FASN: variants seen among roughly 807,000 people sequenced by gnomAD.
The protein encoded by FASN is fatty acid synthase, also known as 3-hydroxyacyl-[acyl-carrier-protein] dehydratase.
A neutral mutation model predicts 250.0 loss-of-function variants in FASN; 50 were observed. The ratio of observed to expected loss-of-function variants is 0.20; its 90% confidence interval spans 0.16 to 0.25. The LOEUF (loss-of-function observed/expected upper bound fraction) is 0.25. FASN is among the 10% of genes least tolerant of loss of function. The pLI, the probability that FASN is intolerant of heterozygous loss-of-function variation, is 1.00. For synonymous variants in FASN, 1,909 were observed against 1,584.0 expected (o/e 1.21, Z -4.87); for missense variants, 3,031 against 3,498.5 (o/e 0.87, Z 3.37).
chr17:82,084,489 C>T (rs1163855087), intron 27 of FASN, 24 bp downstream of exon 27: 1 of 1,596,882 alleles, frequency 6.3e-7, no homozygotes, highest in African/African-American at 1.3e-5. Context: ...CCAGTCCACT[C>T]CCACGGCCCC....
At position 82,079,526 on chromosome 17, in the gene FASN, C is replaced by G; in HGVS notation, c.7229G>C (p.Gly2410Ala). 6.2e-7 allele frequency: 1 copy of G among 1,611,206 alleles called. No individual in the cohort carries two copies. The highest frequency in any genetic ancestry group is 8.5e-7 in the Non-Finnish European group (1 of 1,179,972). Residue 2410 changes from glycine to alanine, a missense_variant, in exon 42 of 43, where the codon GGC becomes GCC. Transcript: ENST00000306749. ...AAAGCTCAGCTCCTGGCGGTCCAGG[C>G]CCTGGTGGCTCTTGATGATCAGGTC... ...AVDLIIKSHQ[G>A]LDRQELSFAA...
intron 10 of FASN, 101 bp downstream of exon 10, chr17:82,090,781 G>T (rs529459276): frequency 2.2e-6 from 3 of 1,338,216 alleles, no homozygotes; most frequent in Non-Finnish European, 3.1e-6. Flanking sequence ...TAGCAAAGGG[G>T]CTGTCAGGGG....
At position 82,083,327 on chromosome 17, in the gene FASN, C is replaced by A; in HGVS notation, c.5440G>T (p.Val1814Leu). ...SADWREVWAL[V>L]QAGIRDGVVR... is the part of the protein sequence containing the mutation. ...ACCCCATCCCGGATGCCGGCCTGCA[C>A]AAGCGCCCACACCTCCCGCCAGTCA... Residue 1814 changes from valine to leucine, a missense_variant, in exon 32 of 43, where the codon GTG becomes TTG. Coordinates refer to ENST00000306749, the MANE Select transcript of FASN (RefSeq NM_004104.5). 6.2e-7 allele frequency: 1 copy of A among 1,612,748 alleles called. No homozygotes were observed.
intron 3 of FASN, 125 bp from the exon 4 acceptor site, chr17:82,093,896 T>C: frequency 1.0e-6 from 1 of 983,734 alleles, no homozygotes; most frequent in Non-Finnish European, 1.5e-6. Flanking sequence ...GGGGGGTCCA[T>C]CCCAGTGGGA....
At chr17:82,093,820 C>T (rs369743683) in intron 3 of FASN, 49 bp from the exon 4 acceptor site, 2 of 1,564,424 alleles carry the variant, frequency 1.3e-6, no homozygotes, top group South Asian at 1.2e-5. Context: ...CACAGCGCAG[C>T]CAGCCCACCC....
At position 82,093,030 on chromosome 17, in the gene FASN, C is replaced by T; in HGVS notation, c.656-11G>A. Reference sequence around the variant, plus strand: ...GGCAGTACCCATTCCCTGGGTAGAGCAGCACCTCAGGCCCGGGGCTCAGCC... The same window carrying T: ...GGCAGTACCCATTCCCTGGGTAGAGTAGCACCTCAGGCCCGGGGCTCAGCC... On this transcript the variant is annotated splice_polypyrimidine_tract_variant and intron_variant, in intron 5 of 42. Transcript: ENST00000306749. The T allele has an allele frequency of 6.2e-7, 1 of 1,611,492 alleles. No individual in the cohort carries two copies. Among genetic ancestry groups the T allele is most frequent in the South Asian group, 1.1e-5 (1 of 90,980 alleles).
At chr17:82,086,595 GC>G in intron 21 of FASN, 37 bp from the exon 22 acceptor site, 1 of 1,523,354 alleles carries the variant, frequency 6.6e-7, no homozygotes, top group Non-Finnish European at 9.0e-7. Context: ...TGTTCCCAAA[GC>G]CCCAGGGCAT....
Position 82,091,583 on chromosome 17 carries a change from C to G in FASN, c.1131G>C (p.Val377=). ...CGCCACGGACGGGCAGGGGCTGGTC[C>G]ACCACCTGCAGCCGCCCATCCAACA... ...PALLDGRLQV[V]DQPLPVRGGN... is the part of the protein sequence containing the mutation. Residue 377 remains valine (V), a synonymous_variant, in exon 9 of 43, where the codon GTG becomes GTC. Transcript: ENST00000306749. 6.3e-7 allele frequency: 1 copy of G among 1,588,032 alleles called. No individual in the cohort carries two copies. The highest frequency in any genetic ancestry group is 1.1e-5 in the South Asian group (1 of 87,412).
At chr17:82,082,851 G>T in intron 33 of FASN, 63 bp downstream of exon 33, 1 of 1,590,410 alleles carries the variant, frequency 6.3e-7, no homozygotes, top group Non-Finnish European at 8.6e-7. Flanking sequence ...CTGCAGAGAA[G>T]GGCTCAGGGG....
Position 82,091,546 on chromosome 17 carries a change from T to A in FASN, c.1168A>T (p.Ile390Phe). Residue 390 changes from isoleucine (I) to phenylalanine (F), a missense_variant, in exon 9 of 43, where the codon ATC becomes TTC. Ile to Phe is a conservative substitution (Grantham distance 21, BLOSUM62 0). Transcript: ENST00000306749. The stretch of plus-strand genomic sequence containing the variant: ...GAGCCCCCGAAGCCAAAGGAGTTGA[T>A]GCCCACGTTGCCGCCACGGACGGGC... ...PLPVRGGNVG[I>F]NSFGFGGSNV... is the part of the protein sequence containing the mutation. 6.3e-7 allele frequency: 1 copy of A among 1,597,676 alleles called. No homozygotes were observed. Among genetic ancestry groups the A allele is most frequent in the Non-Finnish European group, 8.5e-7 (1 of 1,173,444 alleles).
rs751971204 is a variant in FASN, at chr17:82,085,776, G to T, written c.3828C>A (p.His1276Gln). ...CCTGGGCAGCCTCCAGGGCCTGGGG[G>T]TGGCGGTCGGTGGCCGTGTAGCTCA... is the stretch of plus-strand genomic sequence containing the variant. ...LQLSYTATDRHPQALEAAQAE... is the reference protein window; with the variant it reads ...LQLSYTATDRQPQALEAAQAE... Residue 1276 changes from histidine to glutamine, a missense_variant, in exon 23 of 43, where the codon CAC (histidine) becomes CAA (glutamine). Coordinates refer to ENST00000306749, the MANE Select transcript of FASN (RefSeq NM_004104.5). The T allele has an allele frequency of 1.3e-6, 2 of 1,561,690 alleles. No homozygotes were observed. Among genetic ancestry groups the T allele is most frequent in the Non-Finnish European group, 1.7e-6 (2 of 1,153,798 alleles).
Position 82,092,600 on chromosome 17 carries a change from CATGGGGG to C in FASN, c.895-18_895-12del. The C allele has an allele frequency of 1.3e-6, 2 of 1,555,788 alleles. No individual in the cohort carries two copies. The highest frequency in any genetic ancestry group is 1.7e-6 in the Non-Finnish European group (2 of 1,150,428). On this transcript the variant is annotated splice_polypyrimidine_tract_variant and intron_variant, in intron 7 of 42. Transcript: ENST00000306749. Reference sequence around the variant, plus strand: ...CTGGGGGTCGCCCACCTGTGGGAAACATGGGGGGTGAGGGGCTCTGGCCAGGTCACCT... The same window carrying C: ...CTGGGGGTCGCCCACCTGTGGGAAACGTGAGGGGCTCTGGCCAGGTCACCT...
At chr17:82,096,215 G>C (rs1268130194) in intron 2 of FASN, 104 bp downstream of exon 2, 19 of 1,570,220 alleles carry the variant, frequency 1.2e-5, no homozygotes, top group South Asian at 2.2e-5. Flanking sequence ...CCTCAGGCCA[G>C]TGCCTGGGTG....
intron 10 of FASN, 55 bp from the exon 11 acceptor site, chr17:82,090,619 G>C: frequency 6.6e-7 from 1 of 1,525,620 alleles, no homozygotes; most frequent in Non-Finnish European, 9.0e-7. Context: ...CAGCTGTTGG[G>C]GGCGGCCCCC....
chr17:82,087,982 C>T lies in FASN; in HGVS notation c.2838G>A (p.Val946=). 1 of 1,612,764 alleles carries T rather than the reference C, an allele frequency of 6.2e-7. No individual in the cohort carries two copies. Among genetic ancestry groups the T allele is most frequent in the Non-Finnish European group, 8.5e-7 (1 of 1,179,966 alleles). ...TCACTACCAGGTTGCCGTTCTCTGACACCTCGAAGGCACGGGAGGCCTCCA... is the reference window on the plus strand; with the variant it reads ...TCACTACCAGGTTGCCGTTCTCTGATACCTCGAAGGCACGGGAGGCCTCCA... The part of the protein sequence containing the change: ...RLLEASRAFE[V]SENGNLVVSG... The change falls in exon 18 of 43, where the codon GTG becomes GTA. Residue 946 remains valine (V), a synonymous_variant. Coordinates refer to ENST00000306749, the MANE Select transcript of FASN (RefSeq NM_004104.5).
Position 82,098,196 on chromosome 17 carries a change from G to A in FASN, c.-83C>T, listed in dbSNP as rs555553674. Reference sequence around the variant, plus strand: ...GCGGCGGAGCGGGAGGCTGAAGCGCGGCGGAGAGGGAGGCCGGGGCCGCTG... The same window carrying A: ...GCGGCGGAGCGGGAGGCTGAAGCGCAGCGGAGAGGGAGGCCGGGGCCGCTG... On this transcript the variant is annotated 5_prime_UTR_variant, in exon 1 of 43. Coordinates refer to ENST00000306749, the MANE Select transcript of FASN (RefSeq NM_004104.5). The A allele has an allele frequency of 3.4e-3, 1,249 of 365,936 alleles. 10 individuals carry two copies. The highest frequency in any genetic ancestry group is 0.025 in the African/African-American group (1,185 of 47,194). The allele number at this position is 365,936 out of a possible 1,614,324, so 22.7% of individuals were successfully genotyped here.
Position 82,089,372 on chromosome 17 carries a change from C to T in FASN, c.1978G>A (p.Glu660Lys). 1 of 1,612,840 alleles carries T rather than the reference C, an allele frequency of 6.2e-7. No homozygotes were observed. Among genetic ancestry groups the T allele is most frequent in the Non-Finnish European group, 8.5e-7 (1 of 1,179,998 alleles). The change falls in exon 13 of 43, where the codon GAG becomes AAG. Residue 660 changes from glutamate to lysine, a missense_variant. Physicochemically the swap from Glu to Lys is moderately conservative, Grantham distance 56. Transcript: ENST00000306749. ...TISGPQAPVF[E>K]FVEQLRKEGV... Reference sequence around the variant, plus strand: ...TCCTTCCTCAGCTGCTCCACGAACTCAAACACCGGGGCCTGGACATCGTGG... The same window carrying T: ...TCCTTCCTCAGCTGCTCCACGAACTTAAACACCGGGGCCTGGACATCGTGG...
intron 1 of FASN, chr17:82,097,179 TGGCCAGG>T: frequency 6.4e-6 from 1 of 155,256 alleles, no homozygotes; most frequent in Non-Finnish European, 1.4e-5. Context: ...GAACCACTCC[TGGCCAGG>T]ACACGCAGGT....
At position 82,078,735 on chromosome 17, in the gene FASN, G is replaced by T; in HGVS notation, c.*408C>A. ...CCCGCAGGGGACATCGGGGAAATGGGGGCAGAGTGCGGGACCCACACGCTG... is the reference window on the plus strand; with the variant it reads ...CCCGCAGGGGACATCGGGGAAATGGTGGCAGAGTGCGGGACCCACACGCTG... On this transcript the variant is annotated 3_prime_UTR_variant, in exon 43 of 43. Coordinates refer to ENST00000306749, the MANE Select transcript of FASN (RefSeq NM_004104.5). The surrounding 1 kb of genome is among the most constrained non-coding windows in gnomAD (Gnocchi z 5.4). The T allele has an allele frequency of 7.2e-6, 2 of 278,582 alleles. No homozygotes were observed. Among genetic ancestry groups the T allele is most frequent in the Non-Finnish European group, 7.0e-6 (1 of 142,236 alleles). 17.3% of individuals were successfully genotyped at this position (278,582 alleles called of 1,614,324 possible). A position where few individuals can be genotyped will look rare whatever the true frequency, so the allele number is the denominator to read the frequency against.
Sources: allele counts gnomAD v4.1 joint callset, GRCh38; gene constraint gnomAD v4.1.1; non-coding constraint Gnocchi (gnomAD v3.1); transcripts MANE v1.5; gene names NCBI Gene and HGNC (gene_info 2026-07-23, HGNC 2026-07-21).